The following TNRC6B variants were observed in gnomAD, a reference collection of about 807,000 sequenced individuals.
TNRC6B encodes the protein trinucleotide repeat containing adaptor 6B.
Under a neutral mutation model 203.6 loss-of-function variants are expected in TNRC6B, and 52 were observed. That is an observed-to-expected ratio of 0.26 (90% CI 0.20 to 0.32). The LOEUF is 0.32. Ranked by LOEUF, TNRC6B falls within the 10% of genes least tolerant of loss-of-function variation. The pLI is 1.00. For missense variants in TNRC6B, 1,923 were observed against 2,286.2 expected, an observed-to-expected ratio of 0.84 and a Z score of 3.24; for synonymous variants, 838 against 845.7, an observed-to-expected ratio of 0.99 and a Z score of 0.16.
chr22:40,090,432 A>G (rs191282955), intron 1 of TNRC6B, among the ~76,000 whole-genome samples: 98 of 151,630 alleles, frequency 6.5e-4, no homozygotes, highest in African/African-American at 2.2e-3. Flanking sequence ...GTAGTTCCCT[A>G]ATGACATATG....
intron 1 of TNRC6B, among the ~76,000 whole-genome samples, chr22:40,055,245 T>C (rs547257190): frequency 1.1e-4 from 17 of 152,148 alleles, no homozygotes; most frequent in African/African-American, 3.1e-4. Context: ...AGTGCTGTAA[T>C]AGACAGTACA....
rs779086549 is a variant in TNRC6B at position 40,177,934 on chromosome 22, G to C, written c.-202G>C. On this transcript the variant is annotated 5_prime_UTR_variant, in exon 1 of 23. Coordinates refer to ENST00000454349, the MANE Select transcript of TNRC6B (RefSeq NM_001162501.2). The stretch of plus-strand genomic sequence containing the variant: ...AAAAGCTGCTTCCTTTAGAGACAGA[G>C]AGGGAGAGAGAGAGCAAGAGGGAGA... 77 of 1,366,582 alleles carry C rather than the reference G, an allele frequency of 5.6e-5. No individual in the cohort carries two copies. Among genetic ancestry groups the C allele is most frequent in the Admixed American group, 6.9e-5 (2 of 28,814 alleles). The allele number at this position is 1,366,582 out of a possible 1,614,324, so 84.7% of individuals were successfully genotyped here.
intron 3 of TNRC6B, among the ~76,000 whole-genome samples, chr22:40,138,289 G>A (rs1259995514): frequency 1.3e-5 from 2 of 152,200 alleles, no homozygotes; most frequent in Non-Finnish European, 2.9e-5. Flanking sequence ...TTTTTGAGAC[G>A]GAGTCTCGCT....
intron 1 of TNRC6B, among the ~76,000 whole-genome samples, chr22:40,223,543 T>C (rs943882506): frequency 6.6e-6 from 1 of 152,234 alleles, no homozygotes; most frequent in Non-Finnish European, 1.5e-5. Context: ...ATTTTTTGCA[T>C]CTTGCTTTTA....
chr22:40,280,109 TG>T lies in TNRC6B; in HGVS notation c.3380del (p.Gly1127GlufsTer12). The T allele has an allele frequency of 6.2e-7, 1 of 1,613,858 alleles. No individual in the cohort carries two copies. The highest frequency in any genetic ancestry group is 8.5e-7 in the Non-Finnish European group (1 of 1,179,792). On this transcript the variant is annotated frameshift_variant, in exon 10 of 23. Coordinates refer to ENST00000454349, the MANE Select transcript of TNRC6B (RefSeq NM_001162501.2). LOFTEE classifies it high-confidence loss of function. ...TTCCGTCCACCTAATTCCAAAGACA[TG>T]GGAACCACAGATAGTGGGCCTTATT... is the stretch of plus-strand genomic sequence containing the variant. ...SGFRPPNSKDMGTTDSGPYFE... is the reference protein window; with the variant it reads ...SGFRPPNSKDXGTTDSGPYFE...
chr22:40,140,325 A>G (rs2068634738), intron 3 of TNRC6B, among the ~76,000 whole-genome samples: 1 of 152,220 alleles, frequency 6.6e-6, no homozygotes, highest in Non-Finnish European at 1.5e-5. Flanking sequence ...ATGTGATTAA[A>G]TTCTAGTCAA....
At chr22:40,153,575 A>G (rs551831175) in intron 3 of TNRC6B, among the ~76,000 whole-genome samples, 134 of 152,028 alleles carry the variant, frequency 8.8e-4, no homozygotes, top group African/African-American at 3.1e-3. Flanking sequence ...AAGAATAAGA[A>G]GAGGAAGTGG....
Position 40,334,519 on chromosome 22 carries a change from CGT to C in TNRC6B, c.*11279_*11280del, listed in dbSNP as rs1025976852. On this transcript the variant is annotated 3_prime_UTR_variant, in exon 23 of 23. Coordinates refer to ENST00000454349, the MANE Select transcript of TNRC6B (RefSeq NM_001162501.2). ...CGCCACCCACCTCATCCCTGTTCTG[CGT>C]AACCAAAAAACAGACAACAAAAGCA... The C allele has an allele frequency of 6.6e-6, 1 of 152,584 alleles. No individual in the cohort carries two copies. Among genetic ancestry groups the C allele is most frequent in the African/African-American group, 2.4e-5 (1 of 41,422 alleles). The allele number at this position is 152,584 out of a possible 1,614,324, so 9.5% of individuals were successfully genotyped here. A position where few individuals can be genotyped will look rare whatever the true frequency, so the allele number is the denominator to read the frequency against.
intron 1 of TNRC6B, among the ~76,000 whole-genome samples, chr22:40,046,216 A>G (rs376726982): frequency 1.4e-4 from 21 of 152,190 alleles, no homozygotes; most frequent in African/African-American, 5.1e-4. Flanking sequence ...GATTTGGAGA[A>G]TCATCAGTGA....
chr22:40,281,865 A>AC lies in TNRC6B; in HGVS notation c.3582+576_3582+577insC, dbSNP rs1380361711. On this transcript the variant is annotated intron_variant, in intron 11 of 22. Transcript: ENST00000454349. ...AGTGTTTCATTGCACCTGGGGTTGG[A>AC]TCTGGCAACCCTCCAGGGAAGGGCT... 3.9e-5 allele frequency among the ~76,000 whole-genome samples: 6 copies of AC among 152,290 alleles called. No homozygotes were observed. The East Asian group carries it at 7.7e-4, about 20-fold the overall frequency.
chr22:40,170,302 T>A (rs1236026464), intron 4 of TNRC6B, among the ~76,000 whole-genome samples: 1 of 117,504 alleles, frequency 8.5e-6, no homozygotes, highest in African/African-American at 3.4e-5. Context: ...TATATATATA[T>A]AATATATATT....
rs1359590181 is a variant in TNRC6B at position 40,315,377 on chromosome 22, C to T, written c.4773C>T (p.Ser1591=). 7 of 1,613,862 alleles carry T rather than the reference C, an allele frequency of 4.3e-6. No homozygotes were observed. The highest frequency in any genetic ancestry group is 3.4e-6 in the Non-Finnish European group (4 of 1,179,884). Residue 1591 remains serine, a synonymous_variant, in exon 20 of 23, where the codon TCC becomes TCT. Transcript: ENST00000454349. ...LSNKMWKNHI[S]SRNTTPLPRP... ...ACAAGATGTGGAAAAACCATATTTCCTCCAGGAACACTACACCGCTGCCCC... is the reference window on the plus strand; with the variant it reads ...ACAAGATGTGGAAAAACCATATTTCTTCCAGGAACACTACACCGCTGCCCC...
At chr22:40,090,749 A>G (rs2068143641) in intron 1 of TNRC6B, among the ~76,000 whole-genome samples, 1 of 152,162 alleles carries the variant, frequency 6.6e-6, no homozygotes, top group Admixed American at 6.5e-5. Context: ...AAAATCCTAT[A>G]AACAGTGACC....
intron 3 of TNRC6B, among the ~76,000 whole-genome samples, chr22:40,142,599 G>T (rs368959603): frequency 3.3e-5 from 5 of 152,164 alleles, no homozygotes; most frequent in African/African-American, 1.2e-4. Context: ...TTTACATCCC[G>T]CTTACATCTC....
chr22:40,249,233 G>C (rs1284949581), intron 2 of TNRC6B, among the ~76,000 whole-genome samples: 1 of 152,182 alleles, frequency 6.6e-6, no homozygotes, highest in African/African-American at 2.4e-5. Flanking sequence ...CCAGTAACTA[G>C]GGCAGTGCCT....
intron 11 of TNRC6B, 22 bp from the exon 12 acceptor site, chr22:40,285,623 A>C: frequency 6.2e-7 from 1 of 1,602,750 alleles, no homozygotes; most frequent in Non-Finnish European, 8.5e-7. Flanking sequence ...AAAAAGCCTT[A>C]CTGCTGCTTT....
At chr22:40,258,848 T>C (rs2070327604) in intron 3 of TNRC6B, among the ~76,000 whole-genome samples, 1 of 152,230 alleles carries the variant, frequency 6.6e-6, no homozygotes, top group Non-Finnish European at 1.5e-5. Flanking sequence ...TGTGAATGTT[T>C]TAAAGTGAGT....
At chr22:40,158,672 C>T (rs2146355495) in intron 4 of TNRC6B, among the ~76,000 whole-genome samples, 1 of 152,254 alleles carries the variant, frequency 6.6e-6, no homozygotes, top group Admixed American at 6.6e-5. Flanking sequence ...ACCATTCTCC[C>T]TTGTTTTGTT....
intron 1 of TNRC6B, among the ~76,000 whole-genome samples, chr22:40,084,299 G>A (rs932516649): frequency 4.6e-5 from 7 of 152,130 alleles, no homozygotes; most frequent in African/African-American, 1.7e-4. Flanking sequence ...TAATCACACC[G>A]TGAATTGAAT....
Sources: gnomAD v4.1 joint callset for allele counts (sites outside exome capture counted in the v4.1 genomes callset) on GRCh38, gnomAD v4.1.1 for gene constraint, MANE v1.5 for transcripts, NCBI Gene and HGNC (gene_info 2026-07-23, HGNC 2026-07-21) for gene names.